Variants in SASH1 observed in about 807,000 individuals in gnomAD.
The protein encoded by SASH1 is SAM and SH3 domain-containing protein 1.
Under a neutral mutation model 125.2 loss-of-function variants are expected in SASH1, and 44 were observed. The observed-to-expected ratio is 0.35, with a 90% CI of 0.28 to 0.45. SASH1 has a LOEUF of 0.45. Ranked by LOEUF, SASH1 falls within the 20% of genes least tolerant of loss-of-function variation. The pLI, the probability that SASH1 is intolerant of heterozygous loss-of-function variation, is 1.00. For missense variants in SASH1, 1,426 were observed against 1,614.5 expected (o/e 0.88, Z 2.00); for synonymous variants, 639 against 649.1 (o/e 0.98, Z 0.24).
chr6:148,387,583 T>TCTTG (rs1783454054), intron 1 of SASH1, among the ~76,000 whole-genome samples: 2 of 6,526 alleles, frequency 3.1e-4, no homozygotes, highest in Non-Finnish European at 5.5e-4. Flanking sequence ...TTTCTTTCTT[T>TCTTG]CTTTCTTTCT....
the SASH1 span, among the ~76,000 whole-genome samples, chr6:148,209,739 G>T: frequency 2.6e-5 from 4 of 152,068 alleles, no homozygotes; most frequent in Non-Finnish European, 1.5e-5. Flanking sequence ...TCCTCAACCC[G>T]TATGCCTCCC....
At chr6:148,377,121 G>A (rs1350517605) in intron 1 of SASH1, among the ~76,000 whole-genome samples, 1 of 132,462 alleles carries the variant, frequency 7.5e-6, no homozygotes, top group Non-Finnish European at 1.5e-5. Flanking sequence ...AGTGAGCCGA[G>A]ATCCCGCCAC....
chr6:148,331,250 C>T (rs1230004595), intron 1 of SASH1, among the ~76,000 whole-genome samples: 1 of 152,184 alleles, frequency 6.6e-6, no homozygotes, highest in Non-Finnish European at 1.5e-5. Flanking sequence ...GAAATCTAGT[C>T]TGAACCCGCT....
chr6:148,460,512 A>G (rs1777566586), intron 4 of SASH1, among the ~76,000 whole-genome samples: 1 of 152,148 alleles, frequency 6.6e-6, no homozygotes, highest in Non-Finnish European at 1.5e-5. Flanking sequence ...AAATCCTGCC[A>G]TTTCTTTCGG....
At chr6:148,291,544 C>A (rs1779632454) in intron 1 of SASH1, among the ~76,000 whole-genome samples, 1 of 152,014 alleles carries the variant, frequency 6.6e-6, no homozygotes. Context: ...TTAGTTGGAC[C>A]TGGTGACATG....
chr6:148,224,588 T>C, the SASH1 span, among the ~76,000 whole-genome samples: 4 of 152,104 alleles, frequency 2.6e-5, no homozygotes, highest in Non-Finnish European at 5.9e-5. Context: ...CTCAAACTTC[T>C]AGCTTCAAGT....
intron 4 of SASH1, among the ~76,000 whole-genome samples, chr6:148,466,538 C>G (rs937601520): frequency 7.2e-5 from 11 of 152,186 alleles, no homozygotes; most frequent in African/African-American, 2.7e-4. Flanking sequence ...GGCAGAAAAT[C>G]ACTTTAGGTG....
At chr6:148,228,137 A>G in the SASH1 span, among the ~76,000 whole-genome samples, 1 of 152,214 alleles carries the variant, frequency 6.6e-6, no homozygotes, top group Non-Finnish European at 1.5e-5. Context: ...TATCATGAAT[A>G]ATTGAAGTCG....
chr6:148,289,860 T>TG (rs1202327334), intron 1 of SASH1, among the ~76,000 whole-genome samples: 3 of 125,538 alleles, frequency 2.4e-5, no homozygotes, highest in East Asian at 4.7e-4. Context: ...TTTTTGGTTG[T>TG]GTTTTTTTTT....
chr6:148,505,437 C>T lies in SASH1; in HGVS notation c.730-8887C>T, dbSNP rs895764622. Among the ~76,000 whole-genome samples, 4 of 152,120 alleles carry T rather than the reference C, an allele frequency of 2.6e-5. No homozygotes were observed. The East Asian group carries it at 7.7e-4, about 29-fold the overall frequency. The stretch of plus-strand genomic sequence containing the variant: ...CAAGCGATTCTTGTGTCTCAGCCTC[C>T]TGAGTAGCTGGGATTACAGATGTGC... On this transcript the variant is annotated intron_variant, in intron 8 of 19. Transcript: ENST00000367467.
At chr6:148,470,552 T>G (rs1351175559) in intron 5 of SASH1, among the ~76,000 whole-genome samples, 1 of 152,252 alleles carries the variant, frequency 6.6e-6, no homozygotes, top group Non-Finnish European at 1.5e-5. Flanking sequence ...CTCATTTTAC[T>G]TACTCTCCCC....
intron 2 of SASH1, among the ~76,000 whole-genome samples, chr6:148,396,478 G>GAAAAAAAAAAAA (rs61277112): frequency 1.6e-5 from 1 of 63,788 alleles, no homozygotes. Context: ...CTGCATCTCA[G>GAAAAAAAAAAAA]AAAAAAAAAA....
chr6:148,208,848 A>G, the SASH1 span, among the ~76,000 whole-genome samples: 1 of 152,256 alleles, frequency 6.6e-6, no homozygotes, highest in Non-Finnish European at 1.5e-5. Flanking sequence ...ACGGTTACTA[A>G]TAAGAATAAA....
At chr6:148,492,085 A>G (rs573916468) in intron 8 of SASH1, among the ~76,000 whole-genome samples, 6 of 152,342 alleles carry the variant, frequency 3.9e-5, no homozygotes, top group East Asian at 3.9e-4. Context: ...GACCCACTGT[A>G]TACTGCCCTG....
chr6:148,269,919 G>A (rs114706188), upstream of SASH1, among the ~76,000 whole-genome samples: 3,075 of 152,316 alleles, frequency 0.02, 100 homozygotes, highest in African/African-American at 0.07. Flanking sequence ...GTATTTGGCA[G>A]GTGAGTGTGT....
chr6:148,230,606 C>T, the SASH1 span, among the ~76,000 whole-genome samples: 2 of 152,206 alleles, frequency 1.3e-5, no homozygotes, highest in Non-Finnish European at 2.9e-5. Context: ...CCTTGCGGCA[C>T]CCTTTTACAT....
chr6:148,541,751 C>T lies in SASH1; in HGVS notation c.2209+1195C>T, dbSNP rs577341420. Among the ~76,000 whole-genome samples, 35 of 152,286 alleles carry T rather than the reference C, an allele frequency of 2.3e-4. 1 individual carries two copies. The South Asian group carries it at 5.4e-3, about 23-fold the overall frequency. Reference sequence around the variant, plus strand: ...CATTCACCTCCTTAGAGTTTGTCCTCTGGGCACCTTGTTTGCCTCACTCTA... The same window carrying T: ...CATTCACCTCCTTAGAGTTTGTCCTTTGGGCACCTTGTTTGCCTCACTCTA... On this transcript the variant is annotated intron_variant, in intron 17 of 19. Transcript: ENST00000367467.
chr6:148,239,704 CTT>C, the SASH1 span, among the ~76,000 whole-genome samples: 1,082 of 146,706 alleles, frequency 7.4e-3, 12 homozygotes, highest in African/African-American at 0.019. Context: ...TATAGATCGG[CTT>C]TTTTTTTTTT....
intron 8 of SASH1, among the ~76,000 whole-genome samples, chr6:148,500,513 G>A (rs752925523): frequency 1.1e-4 from 17 of 152,110 alleles, no homozygotes; most frequent in South Asian, 2.1e-4. Context: ...ACTTTCCATC[G>A]TTTCACTCAT....
Sources: gnomAD v4.1 joint callset for allele counts (sites outside exome capture counted in the v4.1 genomes callset) on GRCh38, gnomAD v4.1.1 for gene constraint, MANE v1.5 for transcripts, NCBI Gene and HGNC (gene_info 2026-07-23, HGNC 2026-07-21) for gene names.